UNC13C: variants seen among roughly 807,000 people sequenced by gnomAD.
The protein encoded by UNC13C is unc-13 homolog C.
In UNC13C, 174 loss-of-function variants were observed where a neutral mutation model predicts 245.4. That is an observed-to-expected ratio of 0.71 (90% CI 0.63 to 0.80). UNC13C has a LOEUF of 0.80. UNC13C is among the 30% of genes least tolerant of loss of function. The pLI is 0.00. For missense variants in UNC13C, 2,829 were observed against 2,602.9 expected, an observed-to-expected ratio of 1.09 and a Z score of -1.89; for synonymous variants, 992 against 895.1, an observed-to-expected ratio of 1.11 and a Z score of -1.93.
At chr15:54,382,464 C>G (rs1175343487) in intron 17 of UNC13C, among the ~76,000 whole-genome samples, 1 of 152,052 alleles carries the variant, frequency 6.6e-6, no homozygotes, top group East Asian at 1.9e-4. Context: ...TGGCATATGC[C>G]TGTAGTCCCA....
At chr15:54,486,098 G>A (rs1416386501) in intron 19 of UNC13C, among the ~76,000 whole-genome samples, 3 of 151,954 alleles carry the variant, frequency 2.0e-5, no homozygotes, top group Non-Finnish European at 2.9e-5. Flanking sequence ...TTTCTTTGCT[G>A]TATTTCCTGT....
At chr15:53,966,734 C>G in the UNC13C span, among the ~76,000 whole-genome samples, 1 of 151,642 alleles carries the variant, frequency 6.6e-6, no homozygotes, top group Non-Finnish European at 1.5e-5. Flanking sequence ...CTCAGGCATG[C>G]GGTATGCCCT....
At chr15:54,081,909 C>T (rs989624458) in intron 2 of UNC13C, among the ~76,000 whole-genome samples, 21 of 152,182 alleles carry the variant, frequency 1.4e-4, no homozygotes, top group East Asian at 5.8e-4. Flanking sequence ...TGTCCTTTTA[C>T]GGTAGCAAGT....
At chr15:54,427,078 G>C (rs571408903) in intron 19 of UNC13C, among the ~76,000 whole-genome samples, 1 of 151,686 alleles carries the variant, frequency 6.6e-6, no homozygotes. Flanking sequence ...AATATATAAA[G>C]CATAACATTT....
At chr15:54,353,628 C>T (rs1354870545) in intron 17 of UNC13C, among the ~76,000 whole-genome samples, 2 of 152,166 alleles carry the variant, frequency 1.3e-5, no homozygotes, top group Non-Finnish European at 2.9e-5. Context: ...GGTCAATCAT[C>T]TGGCCTCATT....
intron 4 of UNC13C, among the ~76,000 whole-genome samples, chr15:54,216,444 G>T (rs145272153): frequency 6.6e-6 from 1 of 151,858 alleles, no homozygotes; most frequent in Admixed American, 6.6e-5. Flanking sequence ...GTTCTGGAAT[G>T]GATATATTGT....
At chr15:54,623,257 T>C (rs1900912519) in intron 31 of UNC13C, among the ~76,000 whole-genome samples, 1 of 152,006 alleles carries the variant, frequency 6.6e-6, no homozygotes, top group African/African-American at 2.4e-5. Context: ...ACTGGCTAAA[T>C]ATAGGATGAA....
chr15:54,467,439 G>T, intron 19 of UNC13C, among the ~76,000 whole-genome samples: 1 of 150,998 alleles, frequency 6.6e-6, no homozygotes, highest in African/African-American at 2.4e-5. Context: ...TTTTATTATT[G>T]TTTTCATTAC....
chr15:54,424,005 A>G (rs2040705845), intron 19 of UNC13C, among the ~76,000 whole-genome samples: 1 of 151,854 alleles, frequency 6.6e-6, no homozygotes, highest in African/African-American at 2.4e-5. Context: ...GGAAACAGAA[A>G]TATTTACATG....
At chr15:54,495,686 G>T (rs1312427546) in intron 20 of UNC13C, among the ~76,000 whole-genome samples, 1 of 151,950 alleles carries the variant, frequency 6.6e-6, no homozygotes, top group African/African-American at 2.4e-5. Flanking sequence ...AAAAAATAAT[G>T]TAGGAAAAGT....
intron 2 of UNC13C, among the ~76,000 whole-genome samples, chr15:54,122,201 G>A (rs2030716645): frequency 6.6e-6 from 1 of 151,510 alleles, no homozygotes; most frequent in South Asian, 2.1e-4. Flanking sequence ...ACAGTCCTAT[G>A]TGTCTGATTT....
At chr15:54,059,157 A>T (rs2141071560) in intron 2 of UNC13C, among the ~76,000 whole-genome samples, 1 of 152,284 alleles carries the variant, frequency 6.6e-6, no homozygotes, top group Non-Finnish European at 1.5e-5. Flanking sequence ...CAATTGGGAA[A>T]AGAAGAAGTC....
intron 19 of UNC13C, among the ~76,000 whole-genome samples, chr15:54,449,419 A>G (rs1410856705): frequency 6.6e-6 from 1 of 152,240 alleles, no homozygotes; most frequent in East Asian, 1.9e-4. Flanking sequence ...CACCAATCAG[A>G]TGTAGATTTG....
the UNC13C span, among the ~76,000 whole-genome samples, chr15:53,893,564 A>G: frequency 2.0e-5 from 3 of 152,166 alleles, no homozygotes; most frequent in Non-Finnish European, 4.4e-5. Context: ...AGAGAGCAGA[A>G]ATGTGGCAGT....
chr15:54,561,944 CA>C (rs1237577549), intron 29 of UNC13C, among the ~76,000 whole-genome samples: 3 of 151,500 alleles, frequency 2.0e-5, no homozygotes, highest in African/African-American at 7.3e-5. Context: ...GAATATGGGG[CA>C]AAAAGGAAAA....
At chr15:54,321,329 T>G (rs2038152267) in intron 13 of UNC13C, 1 of 470,460 alleles carries the variant, frequency 2.1e-6, no homozygotes, top group African/African-American at 2.0e-5. Flanking sequence ...GGTGATGTCC[T>G]TCAATGTCTT....
chr15:54,339,422 G>A (rs775854208), intron 17 of UNC13C, among the ~76,000 whole-genome samples: 30 of 151,868 alleles, frequency 2.0e-4, no homozygotes, highest in Middle Eastern at 3.2e-3. Flanking sequence ...ACACCCCTCC[G>A]AGCCTTTCCC....
chr15:54,520,157 G>A (rs928790857), intron 24 of UNC13C, among the ~76,000 whole-genome samples: 1 of 152,088 alleles, frequency 6.6e-6, no homozygotes, highest in Admixed American at 6.6e-5. Flanking sequence ...GATGATTACA[G>A]TAGGCTAGAG....
the UNC13C span, among the ~76,000 whole-genome samples, chr15:53,882,186 A>G: frequency 1.3e-5 from 2 of 152,308 alleles, no homozygotes; most frequent in Non-Finnish European, 1.5e-5. Context: ...AATGTCATCT[A>G]TTATCACAAT....
Sources: gnomAD v4.1 joint callset for allele counts (sites outside exome capture counted in the v4.1 genomes callset) on GRCh38, gnomAD v4.1.1 for gene constraint, MANE v1.5 for transcripts, NCBI Gene and HGNC (gene_info 2026-07-23, HGNC 2026-07-21) for gene names.